Variants in SHANK2 observed in about 807,000 individuals in gnomAD.
SHANK2 encodes SH3 and multiple ankyrin repeat domains 2, also known as SH3 and multiple ankyrin repeat domains protein 2.
In SHANK2, 43 loss-of-function variants were observed where a neutral mutation model predicts 133.7. That is an observed-to-expected ratio of 0.32 (90% CI 0.25 to 0.41). The LOEUF is 0.41. Ranked by LOEUF, SHANK2 falls within the 10% of genes least tolerant of loss-of-function variation. The pLI is 1.00. For missense variants in SHANK2, 1,994 were observed against 2,235.8 expected, an observed-to-expected ratio of 0.89 and a Z score of 2.18; for synonymous variants, 1,017 against 952.8, an observed-to-expected ratio of 1.07 and a Z score of -1.24.
intron 9 of SHANK2, among the ~76,000 whole-genome samples, chr11:71,064,924 C>T (rs1397254363): frequency 2.6e-5 from 4 of 152,060 alleles, no homozygotes; most frequent in African/African-American, 4.8e-5. Flanking sequence ...TGGGAGACTC[C>T]GACTGGGGAC....
chr11:70,511,672 A>T (rs915039721), intron 17 of SHANK2, among the ~76,000 whole-genome samples: 9 of 152,216 alleles, frequency 5.9e-5, no homozygotes, highest in Non-Finnish European at 1.3e-4. Context: ...GATAACTCCA[A>T]AAAAAGAGTA....
chr11:71,193,244 G>A (rs1953826920), intron 2 of SHANK2, among the ~76,000 whole-genome samples: 1 of 152,190 alleles, frequency 6.6e-6, no homozygotes, highest in Admixed American at 6.5e-5. Context: ...GGGCTTCTGT[G>A]GTGGGTCTGG....
intron 11 of SHANK2, among the ~76,000 whole-genome samples, chr11:70,865,953 C>G (rs1055478567): frequency 2.0e-5 from 3 of 152,184 alleles, no homozygotes; most frequent in Admixed American, 6.5e-5. Flanking sequence ...CCCTCCCTGG[C>G]AGTCCCACCC....
At position 71,067,012 on chromosome 11, in the gene SHANK2, G is replaced by A. The variant is rs956769001; in HGVS notation, c.1029+8147C>T. ...AACCTGGCTTCCTCATTTACTAACGGAGCGGCCTTTGACCACTCCTGCATC... is the reference window on the plus strand; with the variant it reads ...AACCTGGCTTCCTCATTTACTAACGAAGCGGCCTTTGACCACTCCTGCATC... On this transcript the variant is annotated intron_variant, in intron 9 of 25. Coordinates refer to ENST00000601538, the MANE Select transcript of SHANK2 (RefSeq NM_012309.5). 1.2e-3 allele frequency among the ~76,000 whole-genome samples: 189 copies of A among 152,320 alleles called. 1 individual carries two copies. In the Middle Eastern group the frequency reaches 0.014, roughly 11 times the overall value.
intron 11 of SHANK2, among the ~76,000 whole-genome samples, chr11:70,869,717 T>C (rs899024836): frequency 7.2e-5 from 11 of 152,172 alleles, no homozygotes; most frequent in Admixed American, 5.9e-4. Flanking sequence ...CATCTTGGCA[T>C]GTCCCCATCA....
chr11:71,166,738 C>T (rs1953159109), intron 2 of SHANK2, among the ~76,000 whole-genome samples: 2 of 152,040 alleles, frequency 1.3e-5, no homozygotes, highest in Non-Finnish European at 2.9e-5. Context: ...CCTCCTCAGC[C>T]TCCCAAAGTG....
chr11:70,797,440 C>T (rs540157776), intron 14 of SHANK2, among the ~76,000 whole-genome samples: 107 of 152,300 alleles, frequency 7.0e-4, no homozygotes, highest in African/African-American at 2.4e-3. Context: ...ACTGAGTCCC[C>T]GTTGAAGCCA....
chr11:71,113,442 C>T, intron 4 of SHANK2, 78 bp from the exon 5 acceptor site: 1 of 1,334,430 alleles, frequency 7.5e-7, no homozygotes, highest in South Asian at 1.3e-5. Context: ...CGGGCCTTTT[C>T]CTTGGCTATG....
intron 14 of SHANK2, among the ~76,000 whole-genome samples, chr11:70,754,967 G>A (rs1946834692): frequency 6.6e-6 from 1 of 152,092 alleles, no homozygotes; most frequent in Non-Finnish European, 1.5e-5. Flanking sequence ...CAATAATAAC[G>A]GCTATGATTA....
chr11:71,224,433 G>A (rs977702487), intron 2 of SHANK2, among the ~76,000 whole-genome samples: 1 of 152,212 alleles, frequency 6.6e-6, no homozygotes, highest in Non-Finnish European at 1.5e-5. Flanking sequence ...TCTAGCCTGG[G>A]CACACTGGTG....
chr11:71,075,787 G>A (rs1044285827), intron 8 of SHANK2, among the ~76,000 whole-genome samples: 5 of 152,144 alleles, frequency 3.3e-5, no homozygotes, highest in Non-Finnish European at 5.9e-5. Context: ...ACGGCCCCAC[G>A]ACTGCTTTAA....
chr11:70,508,534 T>C (rs1407243114), intron 17 of SHANK2, among the ~76,000 whole-genome samples: 1 of 152,214 alleles, frequency 6.6e-6, no homozygotes, highest in Non-Finnish European at 1.5e-5. Context: ...ACTTTGCAGA[T>C]ACAGTCAAGT....
intron 6 of SHANK2, among the ~76,000 whole-genome samples, chr11:71,106,541 A>G (rs1555097944): frequency 6.6e-6 from 1 of 152,246 alleles, no homozygotes; most frequent in African/African-American, 2.4e-5. Flanking sequence ...CAGGCTCCCA[A>G]GCCATTTCTA....
intron 14 of SHANK2, among the ~76,000 whole-genome samples, chr11:70,713,774 G>A (rs575138820): frequency 5.6e-4 from 85 of 152,304 alleles, no homozygotes; most frequent in Non-Finnish European, 7.9e-4. Context: ...GTCATGCCTT[G>A]CCGTGTGCCA....
chr11:70,802,301 T>C (rs1992674), intron 13 of SHANK2, among the ~76,000 whole-genome samples: 49,098 of 152,090 alleles, frequency 0.32, 8,818 homozygotes, highest in African/African-American at 0.47. Flanking sequence ...AAGGGCCAGC[T>C]CTGCTGTCCT....
intron 17 of SHANK2, among the ~76,000 whole-genome samples, chr11:70,636,214 C>CGT (rs782533905): frequency 1.1e-3 from 170 of 151,984 alleles, no homozygotes; most frequent in African/African-American, 3.9e-3. Flanking sequence ...CATGTCAGCA[C>CGT]GTGTGTGTGT....
intron 7 of SHANK2, among the ~76,000 whole-genome samples, 158 bp from the exon 8 acceptor site, chr11:71,092,747 A>C (rs1160318619): frequency 6.6e-6 from 1 of 152,170 alleles, no homozygotes; most frequent in Non-Finnish European, 1.5e-5. Context: ...AGAATTAAGA[A>C]GGGTATAACC....
At chr11:70,543,893 T>C (rs1352215694) in intron 17 of SHANK2, among the ~76,000 whole-genome samples, 3 of 152,228 alleles carry the variant, frequency 2.0e-5, no homozygotes, top group African/African-American at 7.2e-5. Flanking sequence ...TAGGGGCACC[T>C]GCTGGTGTCC....
intron 15 of SHANK2, among the ~76,000 whole-genome samples, chr11:70,672,552 C>T (rs1263527754): frequency 1.3e-5 from 2 of 152,380 alleles, no homozygotes; most frequent in African/African-American, 4.8e-5. Flanking sequence ...CAGGACACTG[C>T]TCCAGGTCTC....
Sources: gnomAD v4.1 joint callset for allele counts (sites outside exome capture counted in the v4.1 genomes callset) on GRCh38, gnomAD v4.1.1 for gene constraint, MANE v1.5 for transcripts, NCBI Gene and HGNC (gene_info 2026-07-23, HGNC 2026-07-21) for gene names.